Variants in SYNPR observed in about 807,000 individuals in gnomAD.
SYNPR encodes synaptoporin.
Under a neutral mutation model 32.9 loss-of-function variants are expected in SYNPR, and 23 were observed. That is an observed-to-expected ratio of 0.70 (90% CI 0.50 to 0.99). The LOEUF is 0.99. Ranked by LOEUF, SYNPR falls within the 50% of genes least tolerant of loss-of-function variation. The probability of loss-of-function intolerance (pLI) is 0.00; values close to 1 mark genes in which losing one functional copy is unlikely to be tolerated. For missense variants in SYNPR, 318 were observed against 349.3 expected (o/e 0.91, Z 0.71); for synonymous variants, 146 against 135.9 (o/e 1.07, Z -0.52).
chr3:63,553,567 T>C (rs1250654308), intron 3 of SYNPR, among the ~76,000 whole-genome samples: 1 of 152,232 alleles, frequency 6.6e-6, no homozygotes, highest in Non-Finnish European at 1.5e-5. Flanking sequence ...CTCTGCAGTC[T>C]TGTCAGCATC....
At chr3:63,530,671 A>T (rs1702096109) in intron 3 of SYNPR, among the ~76,000 whole-genome samples, 1 of 152,134 alleles carries the variant, frequency 6.6e-6, no homozygotes, top group African/African-American at 2.4e-5. Flanking sequence ...TCTCATTCAG[A>T]AGCTCTGCGG....
rs142916019 is a variant in SYNPR, at chr3:63,568,656, C to T, written c.408+11915C>T. 5.5e-4 allele frequency among the ~76,000 whole-genome samples: 84 copies of T among 152,114 alleles called. 1 individual carries two copies. The Middle Eastern group carries it at 0.01, about 18-fold the overall frequency. ...GGCCTAGTTGATAGTGACCACATTG[C>T]CCATGATGTAGAAGGAGTCTATTTA... On this transcript the variant is annotated intron_variant, in intron 4 of 5. Coordinates refer to ENST00000478300, the MANE Select transcript of SYNPR (RefSeq NM_001130003.2).
intron 2 of SYNPR, among the ~76,000 whole-genome samples, chr3:63,419,543 A>AT (rs936575041): frequency 6.6e-6 from 1 of 151,960 alleles, no homozygotes; most frequent in Non-Finnish European, 1.5e-5. Context: ...AAAGTTTTTT[A>AT]TTTTTTTTCT....
chr3:63,501,507 AAAAAAAAG>A (rs752653760), intron 3 of SYNPR, among the ~76,000 whole-genome samples: 18,888 of 131,990 alleles, frequency 0.14, 1,208 homozygotes, highest in Non-Finnish European at 0.17. Flanking sequence ...AAAAAAAAAA[AAAAAAAAG>A]AAAAGAAAAA....
chr3:63,608,129 T>C (rs1485500084), intron 4 of SYNPR, among the ~76,000 whole-genome samples: 1 of 152,172 alleles, frequency 6.6e-6, no homozygotes, highest in African/African-American at 2.4e-5. Context: ...TACTATGTTC[T>C]AATAGTCTAA....
At chr3:63,352,058 T>C (rs1387386931) in intron 2 of SYNPR, among the ~76,000 whole-genome samples, 1 of 151,938 alleles carries the variant, frequency 6.6e-6, no homozygotes, top group African/African-American at 2.4e-5. Context: ...TGTGAAGACC[T>C]TGGAGGGAGT....
chr3:63,507,920 A>T (rs1701620584), intron 3 of SYNPR, among the ~76,000 whole-genome samples: 1 of 152,112 alleles, frequency 6.6e-6, no homozygotes, highest in South Asian at 2.1e-4. Flanking sequence ...ATTTTAAGTT[A>T]TCTAGTAGCT....
intron 2 of SYNPR, among the ~76,000 whole-genome samples, chr3:63,367,514 C>T (rs575141592): frequency 7.1e-4 from 108 of 152,120 alleles, no homozygotes; most frequent in Non-Finnish European, 1.2e-3. Context: ...ATGCACCATG[C>T]CCAGCTAATT....
At chr3:63,264,773 G>A (rs555141183) in intron 2 of SYNPR, among the ~76,000 whole-genome samples, 1 of 152,250 alleles carries the variant, frequency 6.6e-6, no homozygotes, top group South Asian at 2.1e-4. Context: ...AATCGTAGCG[G>A]AAGGCAAAGG....
At chr3:63,266,510 C>T (rs1288249372) in intron 2 of SYNPR, among the ~76,000 whole-genome samples, 2 of 151,774 alleles carry the variant, frequency 1.3e-5, no homozygotes, top group Non-Finnish European at 1.5e-5. Flanking sequence ...CGAGACCAGC[C>T]TGACCAACAT....
At chr3:63,380,765 C>G (rs1362694926) in intron 2 of SYNPR, among the ~76,000 whole-genome samples, 1 of 152,098 alleles carries the variant, frequency 6.6e-6, no homozygotes, top group African/African-American at 2.4e-5. Context: ...AATCAATAAA[C>G]GTAATCCAGC....
chr3:63,546,996 T>A (rs1050695591), intron 3 of SYNPR, among the ~76,000 whole-genome samples: 7 of 152,134 alleles, frequency 4.6e-5, no homozygotes, highest in African/African-American at 1.7e-4. Flanking sequence ...ATGGAGTTCA[T>A]CTCTTGAGTC....
the SYNPR span, among the ~76,000 whole-genome samples, chr3:63,208,452 C>A: frequency 6.6e-6 from 1 of 152,168 alleles, no homozygotes. Context: ...TCTAATGTTG[C>A]TGATGCTTCA....
intron 4 of SYNPR, among the ~76,000 whole-genome samples, chr3:63,579,463 G>A (rs191052272): frequency 5.9e-5 from 9 of 151,938 alleles, no homozygotes; most frequent in Non-Finnish European, 1.0e-4. Context: ...CTGAATTATC[G>A]TTTCTCCAAA....
At chr3:63,357,429 T>A (rs1037582394) in intron 2 of SYNPR, among the ~76,000 whole-genome samples, 1 of 152,212 alleles carries the variant, frequency 6.6e-6, no homozygotes, top group Non-Finnish European at 1.5e-5. Context: ...CAGCTAGCCA[T>A]GAGTCTTTGG....
intron 2 of SYNPR, among the ~76,000 whole-genome samples, chr3:63,436,192 T>C (rs966166459): frequency 6.6e-6 from 1 of 152,116 alleles, no homozygotes. Context: ...GAGTTTTTTT[T>C]TTTTAATACT....
chr3:63,484,736 T>C (rs1701112942), intron 3 of SYNPR, among the ~76,000 whole-genome samples: 1 of 152,224 alleles, frequency 6.6e-6, no homozygotes, highest in African/African-American at 2.4e-5. Context: ...AGAAAAATTT[T>C]GTTGACATCA....
chr3:63,285,946 G>C (rs1312469751), intron 2 of SYNPR, among the ~76,000 whole-genome samples: 6 of 152,180 alleles, frequency 3.9e-5, no homozygotes, highest in African/African-American at 1.4e-4. Flanking sequence ...TGATAACGAT[G>C]CCAGCGGTTA....
At chr3:63,536,140 G>A (rs2202493) in intron 3 of SYNPR, among the ~76,000 whole-genome samples, 33,232 of 151,700 alleles carry the variant, frequency 0.22, 3,697 homozygotes, top group East Asian at 0.32. Flanking sequence ...TTTAAGGAAT[G>A]AAAAAACTTT....
Sources: gnomAD v4.1 joint callset for allele counts (sites outside exome capture counted in the v4.1 genomes callset) on GRCh38, gnomAD v4.1.1 for gene constraint, MANE v1.5 for transcripts, NCBI Gene and HGNC (gene_info 2026-07-23, HGNC 2026-07-21) for gene names.